IMPACT: variants seen among roughly 807,000 people sequenced by gnomAD.
IMPACT encodes impact RWD domain protein.
A neutral mutation model predicts 47.5 loss-of-function variants in IMPACT; 35 were observed. The observed-to-expected ratio is 0.74, with a 90% CI of 0.56 to 0.98. IMPACT has a LOEUF of 0.98. IMPACT is among the 50% of genes least tolerant of loss of function. The pLI is 0.00. For synonymous variants in IMPACT, 118 were observed against 125.6 expected (o/e 0.94, Z 0.40); for missense variants, 373 against 394.8 (o/e 0.94, Z 0.47).
intron 8 of IMPACT, 75 bp downstream of exon 8, chr18:24,445,541 T>C: frequency 1.2e-6 from 1 of 807,686 alleles, no homozygotes; most frequent in Non-Finnish European, 2.0e-6. Flanking sequence ...TTTTAGAAAA[T>C]AATAACTATT....
chr18:24,426,743 G>T lies in IMPACT; in HGVS notation c.-14G>T. ...CCTGGCAGGCGGCGGCTGCAGGGCA[G>T]GTCCAGGGGCCACATGGCTGAGGGG... On this transcript the variant is annotated 5_prime_UTR_variant, in exon 1 of 11. In the 5' UTR this introduces an upstream ATG that the reference lacks. Coordinates refer to ENST00000284202, the MANE Select transcript of IMPACT (RefSeq NM_018439.4). 2.4e-6 allele frequency: 3 copies of T among 1,245,688 alleles called. No individual in the cohort carries two copies. The highest frequency in any genetic ancestry group is 3.0e-6 in the Non-Finnish European group (3 of 993,752). The allele number at this position is 1,245,688 out of a possible 1,614,324, so 77.2% of individuals were successfully genotyped here.
At chr18:24,443,195 A>C in intron 7 of IMPACT, 43 bp downstream of exon 7, 1 of 879,622 alleles carries the variant, frequency 1.1e-6, no homozygotes, top group Non-Finnish European at 1.8e-6. Context: ...TTACTAAAAT[A>C]ATTCAGGTAA....
chr18:24,436,590 C>T (rs1280680524), intron 4 of IMPACT, among the ~76,000 whole-genome samples: 4 of 151,692 alleles, frequency 2.6e-5, no homozygotes, highest in Admixed American at 1.3e-4. Flanking sequence ...TTTCTGTTGC[C>T]CAGGCTGGAG....
At chr18:24,450,167 G>A (rs541793788) in intron 10 of IMPACT, among the ~76,000 whole-genome samples, 3 of 152,116 alleles carry the variant, frequency 2.0e-5, no homozygotes, top group Non-Finnish European at 4.4e-5. Context: ...TGATTTCATA[G>A]GACAGACCAC....
At chr18:24,448,223 C>T in intron 9 of IMPACT, 40 bp downstream of exon 9, 2 of 1,390,356 alleles carry the variant, frequency 1.4e-6, no homozygotes, top group Non-Finnish European at 2.0e-6. Context: ...TCTGTACAAG[C>T]CATAAAATTT....
At chr18:24,426,932 G>C (rs1908623981) in intron 1 of IMPACT, 140 bp downstream of exon 1, 3 of 574,440 alleles carry the variant, frequency 5.2e-6, no homozygotes, top group Non-Finnish European at 7.7e-6. Context: ...GCTCCACCGC[G>C]TTCCATTTTC....
chr18:24,445,349 CA>C (rs779203045), intron 7 of IMPACT, 43 bp from the exon 8 acceptor site: 1 of 1,136,058 alleles, frequency 8.8e-7, no homozygotes, highest in Non-Finnish European at 1.3e-6. Flanking sequence ...ATTTACAGAG[CA>C]AATATAAAAA....
chr18:24,431,634 T>C (rs151225238), intron 4 of IMPACT, among the ~76,000 whole-genome samples: 1 of 151,258 alleles, frequency 6.6e-6, no homozygotes, highest in East Asian at 1.9e-4. Flanking sequence ...CACCTCAGTC[T>C]CCCGGGTAGC....
chr18:24,453,106 C>T lies in IMPACT; in HGVS notation c.*2259C>T, dbSNP rs770388428. On this transcript the variant is annotated 3_prime_UTR_variant, in exon 11 of 11. Transcript: ENST00000284202. ...TTATAGTGTGTTAATTACAAATAGT[C>T]TTCATATGCCAGAATATAAGAGCAA... The T allele has an allele frequency of 6.6e-6, 1 of 152,164 alleles. No individual in the cohort carries two copies. Among genetic ancestry groups the T allele is most frequent in the Non-Finnish European group, 1.5e-5 (1 of 68,034 alleles). 9.4% of individuals were successfully genotyped at this position (152,164 alleles called of 1,614,324 possible).
Position 24,426,806 on chromosome 18 carries a change from G to A in IMPACT, c.36+14G>A. 1 of 1,238,078 alleles carries A rather than the reference G, an allele frequency of 8.1e-7. No homozygotes were observed. The highest frequency in any genetic ancestry group is 1.0e-6 in the Non-Finnish European group (1 of 987,966). The allele number at this position is 1,238,078 out of a possible 1,614,324, so 76.7% of individuals were successfully genotyped here. On this transcript the variant is annotated intron_variant, in intron 1 of 10. Coordinates refer to ENST00000284202, the MANE Select transcript of IMPACT (RefSeq NM_018439.4). ...GACCAGAGGCAGGTGAGGCCCCGGC[G>A]GGGTGCTGTCTCTCCAGGCTCGGCT... is the stretch of plus-strand genomic sequence containing the variant.
At position 24,438,059 on chromosome 18, in the gene IMPACT, A is replaced by G. The variant is rs370110629; in HGVS notation, c.367+19A>G. The G allele has an allele frequency of 4.6e-6, 5 of 1,094,216 alleles. No homozygotes were observed. The highest frequency in any genetic ancestry group is 5.5e-6 in the Non-Finnish European group (4 of 732,146). The allele number at this position is 1,094,216 out of a possible 1,614,324, so 67.8% of individuals were successfully genotyped here. A position where few individuals can be genotyped will look rare whatever the true frequency, so the allele number is the denominator to read the frequency against. Reference sequence around the variant, plus strand: ...GAACCAGGTAGGATTGAAAAATACTATCAATACTCTTTTAACTTATAATAA... The same window carrying G: ...GAACCAGGTAGGATTGAAAAATACTGTCAATACTCTTTTAACTTATAATAA... On this transcript the variant is annotated intron_variant, in intron 5 of 10. Coordinates refer to ENST00000284202, the MANE Select transcript of IMPACT (RefSeq NM_018439.4).
Position 24,440,516 on chromosome 18 carries a change from A to G in IMPACT, c.388A>G (p.Thr130Ala), listed in dbSNP as rs1479106215. ...TEPGPDVKKK[T>A]EEEDVECEDD... is the part of the protein sequence containing the mutation. ...CATAGGCCCAGATGTAAAGAAGAAAACTGAAGAGGAAGATGTTGAATGTGA... is the reference window on the plus strand; with the variant it reads ...CATAGGCCCAGATGTAAAGAAGAAAGCTGAAGAGGAAGATGTTGAATGTGA... Residue 130 changes from threonine (T) to alanine (A), a missense_variant, in exon 6 of 11, where the codon ACT (threonine) becomes GCT (alanine). By Grantham distance (58) the Thr-to-Ala change is moderately conservative. Coordinates refer to ENST00000284202, the MANE Select transcript of IMPACT (RefSeq NM_018439.4). 1 of 1,613,134 alleles carries G rather than the reference A, an allele frequency of 6.2e-7. No homozygotes were observed. The highest frequency in any genetic ancestry group is 8.5e-7 in the Non-Finnish European group (1 of 1,179,500).
intron 4 of IMPACT, among the ~76,000 whole-genome samples, chr18:24,434,682 G>A (rs1318395393): frequency 1.3e-5 from 2 of 149,934 alleles, no homozygotes; most frequent in Non-Finnish European, 3.0e-5. Context: ...AGAATCGCCT[G>A]AACCCGGGAG....
chr18:24,427,146 T>C lies in IMPACT; in HGVS notation c.36+354T>C, dbSNP rs536851034. ...TCACTTAAGAATTCGGGTTTCCCCC[T>C]TTGCAAAATGGCAATAGCCCAGACC... On this transcript the variant is annotated intron_variant, in intron 1 of 10. Transcript: ENST00000284202. The C allele has an allele frequency of 1.6e-5, 4 of 246,058 alleles. No individual in the cohort carries two copies. The East Asian group carries it at 3.0e-4, about 18-fold the overall frequency. The allele number at this position is 246,058 out of a possible 1,614,324, so 15.2% of individuals were successfully genotyped here.
chr18:24,450,071 G>A, intron 10 of IMPACT, 118 bp downstream of exon 10: 1 of 1,099,170 alleles, frequency 9.1e-7, no homozygotes, highest in Non-Finnish European at 1.3e-6. Context: ...AAAACCTTTG[G>A]ACTCAGAACC....
intron 6 of IMPACT, 137 bp from the exon 7 acceptor site, chr18:24,442,912 G>T: frequency 2.2e-6 from 1 of 464,088 alleles, no homozygotes; most frequent in Non-Finnish European, 3.8e-6. Context: ...TTTAATTTTG[G>T]TAGATAGCGA....
chr18:24,430,923 A>G (rs1213052681), intron 4 of IMPACT, among the ~76,000 whole-genome samples: 1 of 152,208 alleles, frequency 6.6e-6, no homozygotes, highest in Admixed American at 6.5e-5. Context: ...TGTACTTTGA[A>G]TGGTAATTTC....
At chr18:24,434,776 A>AAAAAT (rs1164402384) in intron 4 of IMPACT, among the ~76,000 whole-genome samples, 3 of 114,026 alleles carry the variant, frequency 2.6e-5, no homozygotes, top group South Asian at 2.8e-4. Context: ...AAAAAAAAAA[A>AAAAAT]ATATATATAT....
At chr18:24,442,594 A>G (rs1360116853) in intron 6 of IMPACT, among the ~76,000 whole-genome samples, 1 of 152,262 alleles carries the variant, frequency 6.6e-6, no homozygotes, top group Non-Finnish European at 1.5e-5. Context: ...GCATTATATT[A>G]TAGCTACACA....
Sources: allele counts gnomAD v4.1 joint callset (sites outside exome capture counted in the v4.1 genomes callset), GRCh38; gene constraint gnomAD v4.1.1; transcripts MANE v1.5; gene names NCBI Gene and HGNC (gene_info 2026-07-23, HGNC 2026-07-21).